KCNMA1: variants seen among roughly 807,000 people sequenced by gnomAD.
KCNMA1 encodes the protein potassium calcium-activated channel subfamily M alpha 1.
KCNMA1 carries 29 observed loss-of-function variants against 140.0 expected under a neutral mutation model. That is an observed-to-expected ratio of 0.21 (90% confidence interval 0.15 to 0.28). KCNMA1 has a LOEUF of 0.28. Among genes scored for constraint, KCNMA1 ranks in the 10% least tolerant of loss-of-function variants. The pLI, the probability that KCNMA1 is intolerant of heterozygous loss-of-function variation, is 1.00. For missense variants in KCNMA1, 880 were observed against 1,602.2 expected (o/e 0.55, Z 7.70); for synonymous variants, 612 against 611.9 (o/e 1.00, Z 0.00).
chr10:77,515,935 G>C (rs1027404006), intron 1 of KCNMA1, among the ~76,000 whole-genome samples: 3 of 152,138 alleles, frequency 2.0e-5, no homozygotes, highest in Non-Finnish European at 4.4e-5. Context: ...TCAAGAGAAG[G>C]GCTGGTTCTC....
chr10:77,614,760 A>T (rs1367609824), intron 1 of KCNMA1, among the ~76,000 whole-genome samples: 1 of 152,084 alleles, frequency 6.6e-6, no homozygotes, highest in African/African-American at 2.4e-5. Context: ...TCACTGCATG[A>T]GCAGAGGAAG....
intron 14 of KCNMA1, among the ~76,000 whole-genome samples, chr10:77,069,577 T>A (rs1001846118): frequency 6.6e-6 from 1 of 152,114 alleles, no homozygotes; most frequent in Admixed American, 6.5e-5. Context: ...AAGAAATTCA[T>A]TACCCCCAAA....
intron 14 of KCNMA1, among the ~76,000 whole-genome samples, chr10:77,065,548 T>A (rs2095902787): frequency 6.6e-6 from 1 of 152,140 alleles, no homozygotes; most frequent in Admixed American, 6.5e-5. Context: ...TTATAAGAAA[T>A]ATACCATATT....
intron 1 of KCNMA1, among the ~76,000 whole-genome samples, chr10:77,425,607 G>A (rs551045446): frequency 6.6e-6 from 1 of 152,248 alleles, no homozygotes; most frequent in South Asian, 2.1e-4. Flanking sequence ...GGGTCTCCCT[G>A]GTGCGGCAAT....
intron 1 of KCNMA1, among the ~76,000 whole-genome samples, chr10:77,627,746 T>C (rs1461988285): frequency 6.6e-6 from 1 of 152,138 alleles, no homozygotes. Flanking sequence ...CAAGGACTAG[T>C]GCAAACAGAA....
chr10:77,121,100 T>C (rs767006503), intron 5 of KCNMA1, 52 bp from the exon 6 acceptor site: 1 of 1,151,152 alleles, frequency 8.7e-7, no homozygotes, highest in Non-Finnish European at 1.3e-6. Flanking sequence ...GTGATTTTAA[T>C]GTTCACAGTC....
chr10:77,346,689 T>C (rs1045830409), intron 2 of KCNMA1, among the ~76,000 whole-genome samples: 3 of 152,184 alleles, frequency 2.0e-5, no homozygotes, highest in African/African-American at 7.2e-5. Flanking sequence ...GGTTGCTGTG[T>C]CCTGTGACAT....
chr10:76,999,206 T>A (rs2085376265), intron 19 of KCNMA1, among the ~76,000 whole-genome samples: 2 of 152,220 alleles, frequency 1.3e-5, no homozygotes, highest in Admixed American at 1.3e-4. Flanking sequence ...GAGAAATCCC[T>A]CTAATTAAGA....
At chr10:77,380,671 C>G (rs2095351671) in intron 2 of KCNMA1, among the ~76,000 whole-genome samples, 1 of 152,194 alleles carries the variant, frequency 6.6e-6, no homozygotes, top group East Asian at 1.9e-4. Context: ...ACATCTGGTT[C>G]TGAGCCCAGC....
At chr10:77,400,274 C>G (rs140067083) in intron 2 of KCNMA1, among the ~76,000 whole-genome samples, 1 of 152,236 alleles carries the variant, frequency 6.6e-6, no homozygotes, top group African/African-American at 2.4e-5. Context: ...CTCTGAGATG[C>G]CTGCTTTCTG....
rs1603632855 is a variant in KCNMA1, at chr10:77,526,186, G to A, written c.378+111079C>T. ...GGGTGAAGAAAAGAAAGGGCCCAGG[G>A]CCTCATCCACATCACTGAACCACTG... On this transcript the variant is annotated intron_variant, in intron 1 of 27. Coordinates refer to ENST00000286628, the MANE Select transcript of KCNMA1 (RefSeq NM_001161352.2). Among the ~76,000 whole-genome samples the A allele has an allele frequency of 2.0e-5, 3 of 152,292 alleles. 1 individual carries two copies. The Middle Eastern group carries it at 0.01, about 518-fold the overall frequency.
intron 14 of KCNMA1, among the ~76,000 whole-genome samples, chr10:77,040,219 A>G (rs1349326379): frequency 6.6e-6 from 1 of 151,874 alleles, no homozygotes; most frequent in Admixed American, 6.6e-5. Context: ...AGACATGGGC[A>G]CTCACCCACA....
In KCNMA1 at chr10:76,885,505, A is replaced by G; in HGVS notation, c.*1761T>C. 1 of 985,308 alleles carries G rather than the reference A, an allele frequency of 1.0e-6. No homozygotes were observed. The highest frequency in any genetic ancestry group is 1.2e-6 in the Non-Finnish European group (1 of 829,924). The allele number at this position is 985,308 out of a possible 1,614,324, so 61.0% of individuals were successfully genotyped here. ...CAATTCACACAGCAAGCAAATATCC[A>G]AAACTATCATGCTTGAGGGGACGGG... is the stretch of plus-strand genomic sequence containing the variant. On this transcript the variant is annotated 3_prime_UTR_variant, in exon 28 of 28. Transcript: ENST00000286628.
intron 2 of KCNMA1, among the ~76,000 whole-genome samples, chr10:77,346,340 C>G (rs1487703441): frequency 6.6e-6 from 1 of 152,154 alleles, no homozygotes; most frequent in Non-Finnish European, 1.5e-5. Flanking sequence ...ATTCTGAAAG[C>G]CAATTTAGTA....
rs758614705 is a variant in KCNMA1 at position 77,001,593 on chromosome 10, G to C, written c.2093-13C>G. 102 of 1,547,114 alleles carry C rather than the reference G, an allele frequency of 6.6e-5. No homozygotes were observed. The highest frequency in any genetic ancestry group is 8.5e-5 in the Non-Finnish European group (97 of 1,143,242). On this transcript the variant is annotated splice_polypyrimidine_tract_variant and intron_variant, in intron 18 of 27. Coordinates refer to ENST00000286628, the MANE Select transcript of KCNMA1 (RefSeq NM_001161352.2). The stretch of plus-strand genomic sequence containing the variant: ...ATGGACATCTTGGCTATAACCGTGT[G>C]GTTGGATGGGAGGAGAGGAAGAGCG...
rs1276166864 is a variant in KCNMA1 at position 77,382,903 on chromosome 10, T to TAC, written c.540+20957_540+20958dup. 5.5e-3 allele frequency among the ~76,000 whole-genome samples: 508 copies of TAC among 92,610 alleles called. 21 individuals carry two copies. Among genetic ancestry groups the TAC allele is most frequent in the African/African-American group, 0.019 (415 of 21,720 alleles). 60.8% of individuals were successfully genotyped at this position (92,610 alleles called of 152,430 possible). A position where few individuals can be genotyped will look rare whatever the true frequency, so the allele number is the denominator to read the frequency against. The stretch of plus-strand genomic sequence containing the variant: ...AAAAAAAAATATATATATATATATA[T>TAC]ACACACACACACACACATACATATA... On this transcript the variant is annotated intron_variant, in intron 2 of 27. Coordinates refer to ENST00000286628, the MANE Select transcript of KCNMA1 (RefSeq NM_001161352.2).
chr10:77,139,230 T>C (rs1314769562), intron 5 of KCNMA1, among the ~76,000 whole-genome samples: 1 of 152,220 alleles, frequency 6.6e-6, no homozygotes, highest in Non-Finnish European at 1.5e-5. Flanking sequence ...AAGTAGTGTA[T>C]GTGCCCTTAG....
At chr10:77,404,279 T>A (rs1297564485) in intron 1 of KCNMA1, among the ~76,000 whole-genome samples, 2 of 152,144 alleles carry the variant, frequency 1.3e-5, no homozygotes, top group Non-Finnish European at 2.9e-5. Context: ...TATTCTATTT[T>A]ATTTTATTTT....
At chr10:77,144,060 C>T (rs1261513701) in intron 5 of KCNMA1, among the ~76,000 whole-genome samples, 1 of 152,042 alleles carries the variant, frequency 6.6e-6, no homozygotes, top group Non-Finnish European at 1.5e-5. Flanking sequence ...CCCAGAGACT[C>T]AATTTCTAAG....
Sources: allele counts gnomAD v4.1 joint callset (sites outside exome capture counted in the v4.1 genomes callset), GRCh38; gene constraint gnomAD v4.1.1; transcripts MANE v1.5; gene names NCBI Gene and HGNC (gene_info 2026-07-23, HGNC 2026-07-21).